The following TBCK variants were observed in gnomAD, a reference collection of about 807,000 sequenced individuals.
The protein encoded by TBCK is TBC1 domain containing kinase, also known as TBC domain-containing protein kinase-like protein.
Under a neutral mutation model 113.4 loss-of-function variants are expected in TBCK, and 99 were observed. The observed-to-expected ratio is 0.87, with a 90% confidence interval of 0.74 to 1.03. The LOEUF is 1.03. Ranked by LOEUF, TBCK falls within the 50% of genes least tolerant of loss-of-function variation. The pLI is 0.00. For synonymous variants in TBCK, 369 were observed against 370.8 expected (o/e 1.00, Z 0.05); for missense variants, 1,045 against 1,061.3 (o/e 0.98, Z 0.21).
intron 19 of TBCK, among the ~76,000 whole-genome samples, chr4:106,229,463 G>A (rs1758612002): frequency 1.3e-5 from 2 of 152,004 alleles, no homozygotes. Context: ...TTCTGCATAT[G>A]AAGATCTAAT....
At chr4:106,223,397 T>G (rs549906400) in intron 19 of TBCK, among the ~76,000 whole-genome samples, 136 of 152,252 alleles carry the variant, frequency 8.9e-4, no homozygotes, top group African/African-American at 3.2e-3. Context: ...TATATATGTG[T>G]AGTATGAACT....
chr4:106,127,246 A>C (rs1745336876), intron 23 of TBCK, among the ~76,000 whole-genome samples: 1 of 151,488 alleles, frequency 6.6e-6, no homozygotes, highest in Non-Finnish European at 1.5e-5. Context: ...GGTGAATATA[A>C]AGGAGACCAA....
chr4:106,174,724 T>C (rs1012899535), intron 22 of TBCK, among the ~76,000 whole-genome samples: 1 of 152,152 alleles, frequency 6.6e-6, no homozygotes, highest in Admixed American at 6.6e-5. Context: ...ATTTTGTCAT[T>C]TTGTTCTTAC....
intron 10 of TBCK, among the ~76,000 whole-genome samples, chr4:106,245,149 T>C (rs1760656120): frequency 6.6e-6 from 1 of 152,140 alleles, no homozygotes; most frequent in African/African-American, 2.4e-5. Context: ...AGGCTCAGTG[T>C]GGACAAGTCT....
chr4:106,142,829 T>C (rs1488055589), intron 23 of TBCK, among the ~76,000 whole-genome samples: 1 of 152,158 alleles, frequency 6.6e-6, no homozygotes, highest in Non-Finnish European at 1.5e-5. Flanking sequence ...AAAACATCAC[T>C]ACAGGAGCTG....
intron 23 of TBCK, among the ~76,000 whole-genome samples, chr4:106,126,712 T>G (rs1268533436): frequency 6.6e-6 from 1 of 152,214 alleles, no homozygotes; most frequent in African/African-American, 2.4e-5. Flanking sequence ...TTCTTATGTC[T>G]GGATTATCAG....
At chr4:106,260,828 A>T (rs988054142) in intron 4 of TBCK, among the ~76,000 whole-genome samples, 1 of 152,012 alleles carries the variant, frequency 6.6e-6, no homozygotes, top group Non-Finnish European at 1.5e-5. Flanking sequence ...AGGCAAAAAC[A>T]TTCTCATCTG....
intron 5 of TBCK, 31 bp from the exon 6 acceptor site, chr4:106,252,038 T>A: frequency 6.4e-7 from 1 of 1,554,226 alleles, no homozygotes; most frequent in African/African-American, 1.4e-5. Flanking sequence ...AATGAAAAAT[T>A]ACAACAGGGA....
In TBCK at chr4:106,195,492, T is replaced by TG. The variant is rs371211369; in HGVS notation, c.1861-739_1861-738insC. On this transcript the variant is annotated intron_variant, in intron 20 of 25. Coordinates refer to ENST00000394708, the MANE Select transcript of TBCK (RefSeq NM_001163435.3). ...TAGGTATCTGGTTAAATGTGTGTGT[T>TG]TGTGTGTGTGTGTGTGTTTGTGTGT... is the stretch of plus-strand genomic sequence containing the variant. Among the ~76,000 whole-genome samples the TG allele has an allele frequency of 4.5e-3, 674 of 148,992 alleles. 11 individuals are homozygous for TG. Among genetic ancestry groups the TG allele is most frequent in the African/African-American group, 0.014 (555 of 40,222 alleles).
At chr4:106,095,210 ACTT>A (rs1293652493) in intron 25 of TBCK, among the ~76,000 whole-genome samples, 1 of 152,190 alleles carries the variant, frequency 6.6e-6, no homozygotes, top group Non-Finnish European at 1.5e-5. Context: ...AATTCAAGCT[ACTT>A]CTTTACAATT....
chr4:106,090,111 T>A lies in TBCK; in HGVS notation c.2571+5371A>T, dbSNP rs528419789. ...CTCCTGTAGTAGGCTTCTGCCTGGG[T>A]ATCCAGACTTCCCCACACGTGCTCT... On this transcript the variant is annotated intron_variant, in intron 25 of 25. Transcript: ENST00000394708. Among the ~76,000 whole-genome samples, 395 of 152,350 alleles carry A rather than the reference T, an allele frequency of 2.6e-3. 2 individuals are homozygous for A. The highest frequency in any genetic ancestry group is 9.0e-3 in the African/African-American group (374 of 41,580).
intron 25 of TBCK, among the ~76,000 whole-genome samples, chr4:106,071,781 C>A (rs1036435043): frequency 6.6e-6 from 1 of 152,162 alleles, no homozygotes; most frequent in Non-Finnish European, 1.5e-5. Flanking sequence ...CTGGGTGCTC[C>A]TGTATAGGGT....
At position 106,149,754 on chromosome 4, in the gene TBCK, G is replaced by A. The variant is rs182801094; in HGVS notation, c.2235+21341C>T. Among the ~76,000 whole-genome samples, 259 of 152,268 alleles carry A rather than the reference G, an allele frequency of 1.7e-3. 2 individuals carry two copies. Among genetic ancestry groups the A allele is most frequent in the African/African-American group, 5.9e-3 (245 of 41,546 alleles). ...CAAAGACACAAAGTGGGCACATATT[G>A]TTAGAAAAATGGCTCCATTAGACTT... On this transcript the variant is annotated intron_variant, in intron 23 of 25. Transcript: ENST00000394708.
chr4:106,208,409 C>CT (rs35298308), intron 20 of TBCK, among the ~76,000 whole-genome samples: 3,860 of 137,744 alleles, frequency 0.028, 139 homozygotes, highest in African/African-American at 0.091. Context: ...TGAGTGGTGC[C>CT]TTTTTTTTTT....
At chr4:106,261,544 T>C (rs1243470429) in intron 4 of TBCK, among the ~76,000 whole-genome samples, 3 of 152,134 alleles carry the variant, frequency 2.0e-5, no homozygotes, top group African/African-American at 4.8e-5. Flanking sequence ...CCTGAAAATA[T>C]ATAACCTTAC....
intron 5 of TBCK, among the ~76,000 whole-genome samples, 170 bp downstream of exon 5, chr4:106,260,267 A>C (rs1282727160): frequency 6.6e-6 from 1 of 151,874 alleles, no homozygotes; most frequent in Non-Finnish European, 1.5e-5. Context: ...TGCTGGGAAA[A>C]ACTCATTGTC....
At chr4:106,236,584 T>C in intron 13 of TBCK, 65 bp from the exon 14 acceptor site, 1 of 1,323,578 alleles carries the variant, frequency 7.6e-7, no homozygotes. Context: ...TTTCTTTTTT[T>C]TTCCTAACTC....
rs559919080 is a variant in TBCK, at chr4:106,085,776, T to C, written c.2571+9706A>G. On this transcript the variant is annotated intron_variant, in intron 25 of 25. Transcript: ENST00000394708. ...TTCTCAGAACACAGTTCAATCAAAT[T>C]AGAACTCAGGATTAAGAAACTCACT... 3.9e-5 allele frequency among the ~76,000 whole-genome samples: 6 copies of C among 152,272 alleles called. No homozygotes were observed. The South Asian group carries it at 1.2e-3, about 32-fold the overall frequency.
At position 106,235,385 on chromosome 4, in the gene TBCK, A is replaced by ATC; in HGVS notation, c.1351-19_1351-18insGA. The ATC allele has an allele frequency of 6.5e-7, 1 of 1,541,194 alleles. No individual in the cohort carries two copies. The highest frequency in any genetic ancestry group is 1.4e-5 in the African/African-American group (1 of 72,708). ...GGATAAGCCTATGATATCAAAAAAG[A>ATC]AATGAAAACGTCTCAAATTACCTAG... is the stretch of plus-strand genomic sequence containing the variant. On this transcript the variant is annotated intron_variant, in intron 14 of 25. Transcript: ENST00000394708.
Sources: allele counts gnomAD v4.1 joint callset (sites outside exome capture counted in the v4.1 genomes callset), GRCh38; gene constraint gnomAD v4.1.1; transcripts MANE v1.5; gene names NCBI Gene and HGNC (gene_info 2026-07-23, HGNC 2026-07-21).